TRPM3: variants seen among roughly 807,000 people sequenced by gnomAD.
TRPM3 encodes transient receptor potential cation channel subfamily M member 3.
TRPM3 carries 77 observed loss-of-function variants against 181.2 expected under a neutral mutation model. The observed-to-expected ratio is 0.42, with a 90% CI of 0.35 to 0.51. The LOEUF (loss-of-function observed/expected upper bound fraction) is 0.51. Among genes scored for constraint, TRPM3 ranks in the 20% least tolerant of loss-of-function variants. TRPM3 has a pLI of 0.01. For synonymous variants in TRPM3, 745 were observed against 796.4 expected (o/e 0.94, Z 1.09); for missense variants, 1,759 against 2,196.7 (o/e 0.80, Z 3.98).
At chr9:71,290,315 C>CA (rs201331382) in intron 1 of TRPM3, among the ~76,000 whole-genome samples, 1 of 150,850 alleles carries the variant, frequency 6.6e-6, no homozygotes, top group African/African-American at 2.4e-5. Flanking sequence ...TTCAGAATAC[C>CA]AAAAAAAGAA....
intron 3 of TRPM3, among the ~76,000 whole-genome samples, chr9:70,855,091 A>AT (rs1024950126): frequency 3.3e-4 from 50 of 152,134 alleles, no homozygotes; most frequent in African/African-American, 1.2e-3. Context: ...GACTTATTGC[A>AT]TTTTTTACTA....
intron 3 of TRPM3, among the ~76,000 whole-genome samples, chr9:70,847,710 C>T (rs1021949475): frequency 6.6e-6 from 1 of 152,134 alleles, no homozygotes; most frequent in African/African-American, 2.4e-5. Context: ...AACTTGCCTA[C>T]CTCAACCTTG....
intron 1 of TRPM3, among the ~76,000 whole-genome samples, chr9:71,405,757 C>T (rs552847084): frequency 4.0e-4 from 61 of 152,086 alleles, no homozygotes; most frequent in Non-Finnish European, 6.9e-4. Context: ...GTCCTTATTC[C>T]CTGTACCAGG....
chr9:71,236,652 G>T (rs922752742), intron 1 of TRPM3, among the ~76,000 whole-genome samples: 2 of 152,144 alleles, frequency 1.3e-5, no homozygotes, highest in Non-Finnish European at 1.5e-5. Flanking sequence ...CAAACTGAAA[G>T]AAATTATGCA....
chr9:71,306,234 A>C (rs2087304391), intron 1 of TRPM3, among the ~76,000 whole-genome samples: 1 of 152,164 alleles, frequency 6.6e-6, no homozygotes, highest in Non-Finnish European at 1.5e-5. Context: ...TAAAATCAAA[A>C]TCATGCAGTC....
intron 1 of TRPM3, among the ~76,000 whole-genome samples, chr9:71,010,963 A>G (rs142939864): frequency 2.9e-3 from 432 of 150,360 alleles, no homozygotes; most frequent in African/African-American, 9.8e-3. Context: ...ACACACACAT[A>G]AATAGTATTC....
intron 8 of TRPM3, among the ~76,000 whole-genome samples, chr9:70,689,696 A>ATGTT (rs1310689336): frequency 6.6e-6 from 1 of 152,138 alleles, no homozygotes; most frequent in Non-Finnish European, 1.5e-5. Flanking sequence ...ACCCTAAAGC[A>ATGTT]TGTTTCACTA....
At chr9:70,767,192 T>C (rs2079311535) in intron 7 of TRPM3, among the ~76,000 whole-genome samples, 1 of 152,126 alleles carries the variant, frequency 6.6e-6, no homozygotes. Context: ...GCTGGAGAAA[T>C]AACTTTCCCA....
chr9:71,058,272 C>T (rs888975384), intron 1 of TRPM3, among the ~76,000 whole-genome samples: 3 of 152,002 alleles, frequency 2.0e-5, no homozygotes, highest in African/African-American at 7.2e-5. Flanking sequence ...ATGGCTTATA[C>T]CATTTTTGAA....
intron 1 of TRPM3, among the ~76,000 whole-genome samples, chr9:71,091,812 G>T (rs2066273040): frequency 1.3e-5 from 2 of 152,032 alleles, no homozygotes; most frequent in Admixed American, 1.3e-4. Context: ...CGGTTTTCGA[G>T]CATCATCTAG....
chr9:71,229,844 A>G (rs2080932795), intron 1 of TRPM3, among the ~76,000 whole-genome samples: 1 of 152,172 alleles, frequency 6.6e-6, no homozygotes, highest in South Asian at 2.1e-4. Flanking sequence ...GGGAATGTAA[A>G]TTAGTACAAT....
intron 3 of TRPM3, among the ~76,000 whole-genome samples, chr9:70,860,068 G>A (rs978333230): frequency 6.6e-6 from 1 of 152,166 alleles, no homozygotes; most frequent in Non-Finnish European, 1.5e-5. Context: ...GGAAGTAAAG[G>A]AAGCTGTTTC....
At position 71,121,274 on chromosome 9, in the gene TRPM3, T is replaced by C; in HGVS notation, c.81A>G (p.Glu27=). Residue 27 remains glutamate, a synonymous_variant, in exon 1 of 26, where the codon GAA becomes GAG. Transcript: ENST00000677713. ...GAGCATCAGCCTGATTCATGACCCCTTCCAAATTCCACCAGGAAAACAAGA... is the reference window on the plus strand; with the variant it reads ...GAGCATCAGCCTGATTCATGACCCCCTCCAAATTCCACCAGGAAAACAAGA... ...FSFLFSWWNL[E]GVMNQADAPR... 6.2e-7 allele frequency: 1 copy of C among 1,614,112 alleles called. No homozygotes were observed.
intron 1 of TRPM3, among the ~76,000 whole-genome samples, chr9:71,213,151 T>C (rs190232738): frequency 2.0e-4 from 30 of 152,318 alleles, no homozygotes; most frequent in African/African-American, 7.0e-4. Flanking sequence ...TATTCCACTA[T>C]GGCACTGCAG....
chr9:70,813,307 C>T (rs968164107), intron 6 of TRPM3, among the ~76,000 whole-genome samples: 2 of 152,040 alleles, frequency 1.3e-5, no homozygotes, highest in Non-Finnish European at 1.5e-5. Context: ...GATACATATA[C>T]ACCAGGGAAT....
chr9:71,436,204 CTGCCTTG>C (rs1156814936), intron 1 of TRPM3, among the ~76,000 whole-genome samples: 1 of 151,396 alleles, frequency 6.6e-6, no homozygotes, highest in African/African-American at 2.4e-5. Context: ...CTTTCGCATC[CTGCCTTG>C]ATTCTGAGGC....
intron 1 of TRPM3, among the ~76,000 whole-genome samples, chr9:70,960,209 G>T (rs369646473): frequency 1.3e-5 from 2 of 151,262 alleles, no homozygotes; most frequent in African/African-American, 4.9e-5. Context: ...CTTACTGTAC[G>T]TGAACACTCA....
At chr9:70,568,367 T>C (rs2051218351) in intron 22 of TRPM3, among the ~76,000 whole-genome samples, 2 of 152,192 alleles carry the variant, frequency 1.3e-5, no homozygotes, top group Admixed American at 1.3e-4. Context: ...TGCCAAGCGC[T>C]TTCATATACA....
intron 17 of TRPM3, among the ~76,000 whole-genome samples, chr9:70,616,499 C>G (rs1478970684): frequency 9.0e-6 from 1 of 110,616 alleles, no homozygotes; most frequent in Non-Finnish European, 1.8e-5. Flanking sequence ...ATTCATACAT[C>G]TGTCCACTGG....
Sources: gnomAD v4.1 joint callset for allele counts (sites outside exome capture counted in the v4.1 genomes callset) on GRCh38, gnomAD v4.1.1 for gene constraint, MANE v1.5 for transcripts, NCBI Gene and HGNC (gene_info 2026-07-23, HGNC 2026-07-21) for gene names.